The following SLC25A10 variants were observed in gnomAD, a reference collection of about 807,000 sequenced individuals.
SLC25A10 encodes solute carrier family 25 member 10.
In SLC25A10, 32 loss-of-function variants were observed where a neutral mutation model predicts 40.4. The ratio of observed to expected loss-of-function variants is 0.79; its 90% CI spans 0.60 to 1.06. The LOEUF is 1.06. SLC25A10 is among the 50% of genes least tolerant of loss of function. SLC25A10 has a pLI of 0.00. For missense variants in SLC25A10, 394 were observed against 402.6 expected, an observed-to-expected ratio of 0.98 and a Z score of 0.18; for synonymous variants, 181 against 171.1, an observed-to-expected ratio of 1.06 and a Z score of -0.45.
At position 81,720,419 on chromosome 17, in the gene SLC25A10, T is replaced by C. The variant is rs1244396512; in HGVS notation, c.*342T>C. 8 of 1,373,694 alleles carry C rather than the reference T, an allele frequency of 5.8e-6. No individual in the cohort carries two copies. In the East Asian group the frequency reaches 2.2e-4, roughly 37 times the overall value. 85.1% of individuals were successfully genotyped at this position (1,373,694 alleles called of 1,614,324 possible). A position where few individuals can be genotyped will look rare whatever the true frequency, so the allele number is the denominator to read the frequency against. On this transcript the variant is annotated 3_prime_UTR_variant, in exon 11 of 11. Transcript: ENST00000350690. Reference sequence around the variant, plus strand: ...GGGGAGGGGTATTATCCCTGCCTCCTGCCCCCGATGCCCAAAGCAGCATCT... The same window carrying C: ...GGGGAGGGGTATTATCCCTGCCTCCCGCCCCCGATGCCCAAAGCAGCATCT...
chr17:81,717,454 A>G lies in SLC25A10; in HGVS notation c.590A>G (p.Asp197Gly). The G allele has an allele frequency of 6.2e-7, 1 of 1,613,648 alleles. No individual in the cohort carries two copies. Among genetic ancestry groups the G allele is most frequent in the East Asian group, 2.2e-5 (1 of 44,880 alleles). ...QLVLSTGYLS[D>G]NIFTHFVASF... ...GTCCTTAGCACCGGGTACCTCTCTGACAACATCTTCACTCACTTTGTCGCC... is the reference window on the plus strand; with the variant it reads ...GTCCTTAGCACCGGGTACCTCTCTGGCAACATCTTCACTCACTTTGTCGCC... The change falls in exon 8 of 11, where the codon GAC becomes GGC. Residue 197 changes from aspartate (D) to glycine (G), a missense_variant. By Grantham distance (94) the Asp-to-Gly change is moderately conservative (BLOSUM62 -1). Coordinates refer to ENST00000350690, the MANE Select transcript of SLC25A10 (RefSeq NM_012140.5).
rs779451137 is a variant in SLC25A10 at position 81,715,603 on chromosome 17, G to A, written c.328+11G>A. 180 of 1,612,108 alleles carry A rather than the reference G, an allele frequency of 1.1e-4. No individual in the cohort carries two copies. Among genetic ancestry groups the A allele is most frequent in the Non-Finnish European group, 1.3e-4 (151 of 1,179,378 alleles). On this transcript the variant is annotated intron_variant, in intron 3 of 10. Transcript: ENST00000350690. ...TGGGCTCCGTCAGCGGTGAGCTGCC[G>A]GGCGGGAGGGGGAGGGGCGCGGGGT...
intron 8 of SLC25A10, 30 bp from the exon 9 acceptor site, chr17:81,717,754 C>T (rs1598213970): frequency 1.2e-6 from 2 of 1,602,916 alleles, no homozygotes; most frequent in Non-Finnish European, 1.7e-6. Context: ...GCGTACCTGA[C>T]AGGCCGCTGG....
Position 81,715,480 on chromosome 17 carries a change from G to A in SLC25A10, c.216G>A (p.Met72Ile). ...SGLSASLCRQ[M>I]TYSLTRFAIY... ...CAAGCCAGGCCCTTCTCCCCCAGAT[G>A]ACCTACTCCCTGACTCGGTTCGCCA... Residue 72 changes from methionine to isoleucine, a missense_variant and splice_region_variant, in exon 3 of 11, where the codon ATG (methionine) becomes ATA (isoleucine). Coordinates refer to ENST00000350690, the MANE Select transcript of SLC25A10 (RefSeq NM_012140.5). 6.2e-7 allele frequency: 1 copy of A among 1,612,218 alleles called. No homozygotes were observed. The highest frequency in any genetic ancestry group is 2.2e-5 in the East Asian group (1 of 44,856).
rs1212130339 is a variant in SLC25A10 at position 81,712,301 on chromosome 17, T to TGCGGGCGC, written c.-118_-111dup. On this transcript the variant is annotated 5_prime_UTR_variant, in exon 1 of 11. Transcript: ENST00000350690. ...GCGCGCGCGCATTGGCTGTGCGGGG[T>TGCGGGCGC]GCGGGCGCGCGGGCGGCGCTTTGAA... 9.0e-6 allele frequency: 4 copies of TGCGGGCGC among 442,266 alleles called. No individual in the cohort carries two copies. Among genetic ancestry groups the TGCGGGCGC allele is most frequent in the South Asian group, 1.9e-4 (2 of 10,348 alleles). The allele number at this position is 442,266 out of a possible 1,614,324, so 27.4% of individuals were successfully genotyped here.
chr17:81,718,154 T>C (rs1488452099), intron 9 of SLC25A10, among the ~76,000 whole-genome samples: 1 of 152,182 alleles, frequency 6.6e-6, no homozygotes, highest in Non-Finnish European at 1.5e-5. Flanking sequence ...AAGACCAGCC[T>C]GGGCAACATA....
Position 81,719,849 on chromosome 17 carries a change from G to A in SLC25A10, c.724G>A (p.Val242Met), listed in dbSNP as rs781290783. ...TCTGCAGGGCGTTTTCCACTGCGCC[G>A]TGGAGACAGCGAAGCTCGGGCCTCT... ...GEYQGVFHCA[V>M]ETAKLGPLAF... Residue 242 changes from valine to methionine, a missense_variant, in exon 10 of 11, where the codon GTG becomes ATG. Physicochemically the swap from Val to Met is conservative, Grantham distance 21. Transcript: ENST00000350690. 1.7e-4 allele frequency: 281 copies of A among 1,613,630 alleles called. 1 individual carries two copies. Among genetic ancestry groups the A allele is most frequent in the Middle Eastern group, 5.2e-4 (3 of 5,726 alleles).
At chr17:81,713,561 G>A in intron 1 of SLC25A10, 1 of 892,614 alleles carries the variant, frequency 1.1e-6, no homozygotes, top group Non-Finnish European at 1.3e-6. Context: ...CCTGGGAGAG[G>A]CCTTCAGAGC....
At chr17:81,712,557 C>T (rs929325830) in intron 1 of SLC25A10, 38 bp downstream of exon 1, 35 of 1,206,332 alleles carry the variant, frequency 2.9e-5, no homozygotes, top group Non-Finnish European at 3.5e-5. Flanking sequence ...GGATGGGACC[C>T]TGGCGCCGCC....
chr17:81,717,375 C>T, intron 7 of SLC25A10, 24 bp from the exon 8 acceptor site: 1 of 1,612,232 alleles, frequency 6.2e-7, no homozygotes, highest in South Asian at 1.1e-5. Context: ...CCCTACAGCC[C>T]TGACCGCCCT....
rs904082318 is a variant in SLC25A10 at position 81,717,529 on chromosome 17, C to A, written c.627+38C>A. On this transcript the variant is annotated intron_variant, in intron 8 of 10. Transcript: ENST00000350690. ...CATGGCTAGGGTGGGCGTCCCTGGG[C>A]CGGCCTTGGGCGCTGAGGGCACCCA... is the stretch of plus-strand genomic sequence containing the variant. 1.9e-6 allele frequency: 3 copies of A among 1,608,148 alleles called. No individual in the cohort carries two copies. The Admixed American group carries it at 5.0e-5, about 27-fold the overall frequency.
rs202205598 is a variant in SLC25A10, at chr17:81,719,820, G to A, written c.706-11G>A. 100 of 1,612,838 alleles carry A rather than the reference G, an allele frequency of 6.2e-5. No homozygotes were observed. Among genetic ancestry groups the A allele is most frequent in the Non-Finnish European group, 7.4e-5 (87 of 1,179,818 alleles). On this transcript the variant is annotated splice_polypyrimidine_tract_variant and intron_variant, in intron 9 of 10. Coordinates refer to ENST00000350690, the MANE Select transcript of SLC25A10 (RefSeq NM_012140.5). ...GCAGCCTTTTTGATTGTTTCACTGCGTTTTCTGCAGGGCGTTTTCCACTGC... is the reference window on the plus strand; with the variant it reads ...GCAGCCTTTTTGATTGTTTCACTGCATTTTCTGCAGGGCGTTTTCCACTGC...
At chr17:81,719,714 C>T in intron 9 of SLC25A10, 117 bp from the exon 10 acceptor site, 1 of 1,252,164 alleles carries the variant, frequency 8.0e-7, no homozygotes, top group South Asian at 1.3e-5. Flanking sequence ...CACCCACACC[C>T]ACACCCCACA....
intron 1 of SLC25A10, among the ~76,000 whole-genome samples, chr17:81,713,846 A>G (rs1598760346): frequency 6.6e-6 from 1 of 152,172 alleles, no homozygotes; most frequent in Non-Finnish European, 1.5e-5. Context: ...CGCCTGGGGG[A>G]GGCGGGACTG....
chr17:81,720,250 C>T lies in SLC25A10; in HGVS notation c.*173C>T. ...TGGCTGAGCTCCTCCTGGCCTCGTC[C>T]CCTCTCAGCTGTAGCTGCACCACCC... On this transcript the variant is annotated 3_prime_UTR_variant, in exon 11 of 11. Coordinates refer to ENST00000350690, the MANE Select transcript of SLC25A10 (RefSeq NM_012140.5). 1.4e-6 allele frequency: 2 copies of T among 1,446,814 alleles called. No individual in the cohort carries two copies. Among genetic ancestry groups the T allele is most frequent in the Non-Finnish European group, 1.8e-6 (2 of 1,106,762 alleles). The allele number at this position is 1,446,814 out of a possible 1,614,324, so 89.6% of individuals were successfully genotyped here. A position where few individuals can be genotyped will look rare whatever the true frequency, so the allele number is the denominator to read the frequency against.
At position 81,712,468 on chromosome 17, in the gene SLC25A10, G is replaced by T. The variant is rs1391373300; in HGVS notation, c.42G>T (p.Gly14=). Residue 14 remains glycine, a synonymous_variant, in exon 1 of 11, where the codon GGG becomes GGT. Transcript: ENST00000350690. ...GCGTGTCGCGCTGGTACTTCGGGGG[G>T]CTGGCCTCCTGCGGGGCCGCCTGCT... ...EARVSRWYFG[G]LASCGAACCT... 1 of 1,307,536 alleles carries T rather than the reference G, an allele frequency of 7.6e-7. No homozygotes were observed. 81.0% of individuals were successfully genotyped at this position (1,307,536 alleles called of 1,614,324 possible). A position where few individuals can be genotyped will look rare whatever the true frequency, so the allele number is the denominator to read the frequency against.
In SLC25A10 at chr17:81,717,909, C is replaced by T. The variant is rs746943621; in HGVS notation, c.705+48C>T. ...AGTTGGGCTGCACAGCCCAGCGAGTCCCCTCACCTCTCCGGGGGGTGGACA... is the reference window on the plus strand; with the variant it reads ...AGTTGGGCTGCACAGCCCAGCGAGTTCCCTCACCTCTCCGGGGGGTGGACA... On this transcript the variant is annotated intron_variant, in intron 9 of 10. Transcript: ENST00000350690. 2.8e-6 allele frequency: 4 copies of T among 1,446,674 alleles called. No individual in the cohort carries two copies. The Admixed American group carries it at 5.5e-5, about 20-fold the overall frequency. 89.6% of individuals were successfully genotyped at this position (1,446,674 alleles called of 1,614,324 possible). A position where few individuals can be genotyped will look rare whatever the true frequency, so the allele number is the denominator to read the frequency against.
In SLC25A10 at chr17:81,712,355, C is replaced by CGGGGCGCGG; in HGVS notation, c.-72_-71insGGGGCGCGG. On this transcript the variant is annotated 5_prime_UTR_variant, in exon 1 of 11. Coordinates refer to ENST00000350690, the MANE Select transcript of SLC25A10 (RefSeq NM_012140.5). ...GGCGCGGGGCGCGGGGCGCGGGGCG[C>CGGGGCGCGG]TGCGGCCGGTACACGCCGGGGTAGG... 1.9e-6 allele frequency: 2 copies of CGGGGCGCGG among 1,032,882 alleles called. No individual in the cohort carries two copies. Among genetic ancestry groups the CGGGGCGCGG allele is most frequent in the Non-Finnish European group, 2.5e-6 (2 of 816,054 alleles). 64.0% of individuals were successfully genotyped at this position (1,032,882 alleles called of 1,614,324 possible).
rs570654057 is a variant in SLC25A10, at chr17:81,719,941, GC to G, written c.763-34del. The G allele has an allele frequency of 8.6e-5, 139 of 1,613,620 alleles. No individual in the cohort carries two copies. The African/African-American group carries it at 1.7e-3, about 20-fold the overall frequency. On this transcript the variant is annotated intron_variant, in intron 10 of 10. Coordinates refer to ENST00000350690, the MANE Select transcript of SLC25A10 (RefSeq NM_012140.5). ...GGCAATGGGGAGCGGGCCCCTTCGGGCTCTGTGTCTCTCATTTTCCCTGTCT... is the reference window on the plus strand; with the variant it reads ...GGCAATGGGGAGCGGGCCCCTTCGGGTCTGTGTCTCTCATTTTCCCTGTCT...
Sources: gnomAD v4.1 joint callset for allele counts (sites outside exome capture counted in the v4.1 genomes callset) on GRCh38, gnomAD v4.1.1 for gene constraint, MANE v1.5 for transcripts, NCBI Gene and HGNC (gene_info 2026-07-23, HGNC 2026-07-21) for gene names.